The following DCUN1D4 variants were observed in gnomAD, a reference collection of about 807,000 sequenced individuals.
The protein encoded by DCUN1D4 is defective in cullin neddylation 1 domain containing 4.
A neutral mutation model predicts 47.9 loss-of-function variants in DCUN1D4; 22 were observed. The ratio of observed to expected loss-of-function variants is 0.46; its 90% CI spans 0.33 to 0.66. DCUN1D4 has a LOEUF of 0.66. DCUN1D4 is among the 30% of genes least tolerant of loss of function. DCUN1D4 has a pLI of 0.02. For missense variants in DCUN1D4, 301 were observed against 340.8 expected (o/e 0.88, Z 0.92); for synonymous variants, 121 against 112.2 (o/e 1.08, Z -0.50).
In DCUN1D4 at chr4:51,863,427, T is replaced by C. The variant is rs1049485663; in HGVS notation, c.26-10T>C. On this transcript the variant is annotated splice_polypyrimidine_tract_variant and intron_variant, in intron 1 of 10. Transcript: ENST00000334635. The stretch of plus-strand genomic sequence containing the variant: ...AAATGACGCTGACATTTTTCCTTTT[T>C]CTTTTCAAGATTTTCAGCTGAACTC... The C allele has an allele frequency of 2.5e-6, 4 of 1,604,492 alleles. No individual in the cohort carries two copies. The highest frequency in any genetic ancestry group is 2.7e-5 in the African/African-American group (2 of 74,572).
intron 6 of DCUN1D4, among the ~76,000 whole-genome samples, chr4:51,890,588 G>A (rs1203738227): frequency 6.6e-6 from 1 of 152,200 alleles, no homozygotes; most frequent in African/African-American, 2.4e-5. Context: ...TCTACAGAGT[G>A]GCTGGCAGAA....
chr4:51,896,000 A>AC (rs1731213490), intron 7 of DCUN1D4, among the ~76,000 whole-genome samples: 3 of 152,120 alleles, frequency 2.0e-5, no homozygotes, highest in Admixed American at 6.6e-5. Flanking sequence ...CTAGATGGCA[A>AC]CCTGTGGTTC....
At chr4:51,849,589 A>C (rs892319981) in intron 1 of DCUN1D4, among the ~76,000 whole-genome samples, 4 of 152,158 alleles carry the variant, frequency 2.6e-5, no homozygotes, top group African/African-American at 4.8e-5. Context: ...GAGGTGACCC[A>C]GAGGACTGGA....
At chr4:51,834,104 TTTTTTTTTTC>T in the DCUN1D4 span, among the ~76,000 whole-genome samples, 6 of 115,428 alleles carry the variant, frequency 5.2e-5, 1 homozygote, top group East Asian at 2.9e-4. Flanking sequence ...TTCTTCTTTC[TTTTTTTTTTC>T]TTTTTTTTTT....
rs1035352220 is a variant in DCUN1D4, at chr4:51,913,631, C to T, written c.*47C>T. 6.4e-7 allele frequency: 1 copy of T among 1,554,418 alleles called. No homozygotes were observed. Among genetic ancestry groups the T allele is most frequent in the Non-Finnish European group, 8.9e-7 (1 of 1,129,582 alleles). ...AGAGTCACTGTTACCACAGTTTTGT[C>T]ACCCATTAGCCATAAATTGCTGTTT... On this transcript the variant is annotated 3_prime_UTR_variant, in exon 11 of 11. Coordinates refer to ENST00000334635, the MANE Select transcript of DCUN1D4 (RefSeq NM_001040402.3).
chr4:51,901,505 C>T (rs1732111692), intron 8 of DCUN1D4, among the ~76,000 whole-genome samples: 1 of 152,214 alleles, frequency 6.6e-6, no homozygotes. Flanking sequence ...TGCTTCCTGG[C>T]CTCTCTGCAT....
At chr4:51,902,441 T>C (rs1732257228) in intron 8 of DCUN1D4, among the ~76,000 whole-genome samples, 1 of 152,214 alleles carries the variant, frequency 6.6e-6, no homozygotes, top group Admixed American at 6.5e-5. Context: ...TGATACTAGG[T>C]TTAGTATTGT....
At chr4:51,848,954 T>C (rs911356046) in intron 1 of DCUN1D4, among the ~76,000 whole-genome samples, 1 of 152,198 alleles carries the variant, frequency 6.6e-6, no homozygotes, top group African/African-American at 2.4e-5. Context: ...AGGATTTTTT[T>C]TTCCTTGTGA....
At chr4:51,891,873 T>G (rs1186094019) in intron 7 of DCUN1D4, 22 bp downstream of exon 7, 1 of 1,564,962 alleles carries the variant, frequency 6.4e-7, no homozygotes, top group Non-Finnish European at 8.7e-7. Context: ...GCTGCACTAG[T>G]GGGGGTCCCT....
chr4:51,912,870 G>A lies in DCUN1D4; in HGVS notation c.721-420G>A, dbSNP rs1560526221. Among the ~76,000 whole-genome samples, 5 of 152,204 alleles carry A rather than the reference G, an allele frequency of 3.3e-5. No individual in the cohort carries two copies. In the South Asian group the frequency reaches 1.0e-3, roughly 31 times the overall value. On this transcript the variant is annotated intron_variant, in intron 9 of 10. Coordinates refer to ENST00000334635, the MANE Select transcript of DCUN1D4 (RefSeq NM_001040402.3). ...TGGTTATGTCAGGGGTTATATTAAT[G>A]GGAGCTACTCTTTATTTAGCACTTA...
chr4:51,889,127 A>C (rs917582124), intron 6 of DCUN1D4, among the ~76,000 whole-genome samples: 1 of 152,180 alleles, frequency 6.6e-6, no homozygotes, highest in African/African-American at 2.4e-5. Context: ...AAAAAAAGAG[A>C]GAATATTATC....
upstream of DCUN1D4, chr4:51,843,052 T>G (rs911296419): frequency 8.0e-6 from 11 of 1,382,984 alleles, no homozygotes; most frequent in Non-Finnish European, 1.0e-5. Context: ...TGGGCACTCC[T>G]TTTGTCAAAT....
chr4:51,852,642 C>T (rs768256416), intron 1 of DCUN1D4, among the ~76,000 whole-genome samples: 5 of 152,172 alleles, frequency 3.3e-5, no homozygotes, highest in African/African-American at 4.8e-5. Flanking sequence ...GTGTCTTCTA[C>T]GTTCTAAATA....
chr4:51,843,734 G>A (rs1278671831), intron 1 of DCUN1D4: 1 of 1,207,476 alleles, frequency 8.3e-7, no homozygotes, highest in Admixed American at 4.5e-5. Context: ...GGCTCCGTGA[G>A]AAAGGCGGGT....
intron 8 of DCUN1D4, among the ~76,000 whole-genome samples, chr4:51,905,518 G>A (rs1732755018): frequency 6.6e-6 from 1 of 152,128 alleles, no homozygotes; most frequent in Non-Finnish European, 1.5e-5. Context: ...ATAAACAATT[G>A]TTGTTATATG....
At chr4:51,873,595 G>A (rs1214534436) in intron 3 of DCUN1D4, among the ~76,000 whole-genome samples, 1 of 152,170 alleles carries the variant, frequency 6.6e-6, no homozygotes, top group Non-Finnish European at 1.5e-5. Flanking sequence ...AACAGGGCCT[G>A]GTTCAAAGTA....
chr4:51,897,979 A>G (rs990278525), intron 7 of DCUN1D4, among the ~76,000 whole-genome samples: 6 of 152,252 alleles, frequency 3.9e-5, no homozygotes, highest in Non-Finnish European at 5.9e-5. Context: ...GGATTAGAAA[A>G]TCACCATCTT....
chr4:51,898,582 A>G (rs1430974249), intron 7 of DCUN1D4, among the ~76,000 whole-genome samples: 1 of 152,244 alleles, frequency 6.6e-6, no homozygotes, highest in Non-Finnish European at 1.5e-5. Flanking sequence ...AATGGTGGAC[A>G]CCACCATAAC....
In DCUN1D4 at chr4:51,887,068, A is replaced by G. The variant is rs538608431; in HGVS notation, c.414+430A>G. On this transcript the variant is annotated intron_variant, in intron 6 of 10. Transcript: ENST00000334635. ...TGTAATCATCAAGAATTTTTCATAG[A>G]TCGTTTACTTCCAATTGAATTTAGC... The G allele has an allele frequency of 4.2e-4, 187 of 449,994 alleles. 3 individuals carry two copies. Among genetic ancestry groups the G allele is most frequent in the Middle Eastern group, 1.3e-3 (4 of 3,026 alleles). The allele number at this position is 449,994 out of a possible 1,614,324, so 27.9% of individuals were successfully genotyped here.
Sources: gnomAD v4.1 joint callset for allele counts (sites outside exome capture counted in the v4.1 genomes callset) on GRCh38, gnomAD v4.1.1 for gene constraint, MANE v1.5 for transcripts, NCBI Gene and HGNC (gene_info 2026-07-23, HGNC 2026-07-21) for gene names.